CDH4: variants seen among roughly 807,000 people sequenced by gnomAD.
CDH4 encodes the protein cadherin-4.
In CDH4, 33 loss-of-function variants were observed where a neutral mutation model predicts 86.0. The ratio of observed to expected loss-of-function variants is 0.38; its 90% CI spans 0.29 to 0.51. The LOEUF is 0.51. CDH4 is among the 20% of genes least tolerant of loss of function. The pLI, the probability that CDH4 is intolerant of heterozygous loss-of-function variation, is 0.86. For missense variants in CDH4, 1,114 were observed against 1,307.4 expected, an observed-to-expected ratio of 0.85 and a Z score of 2.28; for synonymous variants, 555 against 549.4, an observed-to-expected ratio of 1.01 and a Z score of -0.14.
At chr20:61,622,442 T>A (rs1386553383) in intron 2 of CDH4, among the ~76,000 whole-genome samples, 5 of 152,210 alleles carry the variant, frequency 3.3e-5, no homozygotes, top group African/African-American at 1.2e-4. Context: ...TGGCTGGTGT[T>A]TGAGAAGCTG....
Position 61,516,966 on chromosome 20 carries a change from G to A in CDH4, c.170-226597G>A, listed in dbSNP as rs1222109505. On this transcript the variant is annotated intron_variant, in intron 2 of 15. Coordinates refer to ENST00000614565, the MANE Select transcript of CDH4 (RefSeq NM_001794.5). This position sits in a 1 kb window ranked among gnomAD's most constrained non-coding sequence, Gnocchi z 4.0. Reference sequence around the variant, plus strand: ...TGGGGTGTTTTCAATGTATTGGGATGTCATGCACGCCCTGAAAAATGCAGG... The same window carrying A: ...TGGGGTGTTTTCAATGTATTGGGATATCATGCACGCCCTGAAAAATGCAGG... 6.6e-6 allele frequency among the ~76,000 whole-genome samples: 1 copy of A among 152,168 alleles called. No homozygotes were observed. The highest frequency in any genetic ancestry group is 2.4e-5 in the African/African-American group (1 of 41,444).
intron 2 of CDH4, among the ~76,000 whole-genome samples, chr20:61,363,237 T>C (rs1185939465): frequency 1.3e-5 from 2 of 152,198 alleles, no homozygotes; most frequent in African/African-American, 2.4e-5. Flanking sequence ...TTCTTTAACT[T>C]ATTCATTCAT....
intron 6 of CDH4, among the ~76,000 whole-genome samples, chr20:61,872,376 G>A (rs1043718485): frequency 6.6e-6 from 1 of 152,240 alleles, no homozygotes; most frequent in African/African-American, 2.4e-5. Flanking sequence ...TTGGCCAGGT[G>A]GAGGAGAGGG....
chr20:61,282,945 G>GTGTGTGATGTACGT lies in CDH4; in HGVS notation c.169+28008_169+28009insTGTGTGATGTACGT, dbSNP rs1175576762. 1.0e-3 allele frequency among the ~76,000 whole-genome samples: 9 copies of GTGTGTGATGTACGT among 8,648 alleles called. 3 individuals are homozygous for GTGTGTGATGTACGT. Among genetic ancestry groups the GTGTGTGATGTACGT allele is most frequent in the Admixed American group, 4.6e-3 (3 of 646 alleles). The allele number at this position is 8,648 out of a possible 152,430, so 5.7% of individuals were successfully genotyped here. A position where few individuals can be genotyped will look rare whatever the true frequency, so the allele number is the denominator to read the frequency against. On this transcript the variant is annotated intron_variant, in intron 2 of 15. Coordinates refer to ENST00000614565, the MANE Select transcript of CDH4 (RefSeq NM_001794.5). ...ACGTGCATTTGCACGCGTGTGCTGT[G>GTGTGTGATGTACGT]GCGTGTGATGTACGTGCGTTTGCAC...
intron 7 of CDH4, among the ~76,000 whole-genome samples, chr20:61,892,790 A>G (rs1051728033): frequency 3.3e-5 from 5 of 152,086 alleles, no homozygotes; most frequent in African/African-American, 9.7e-5. Flanking sequence ...AAACCCTTCC[A>G]TCCTTGGCTG....
chr20:61,642,149 G>C (rs926055025), intron 2 of CDH4, among the ~76,000 whole-genome samples: 1 of 152,216 alleles, frequency 6.6e-6, no homozygotes, highest in Non-Finnish European at 1.5e-5. Context: ...AAATCAGAAA[G>C]AAAAAATGAG....
Position 61,754,997 on chromosome 20 carries a change from C to T in CDH4, c.396+11208C>T. ...AGAGGTTTAGTTGGACTTACAGTTC[C>T]ACATGGCTGTGAGGCCTCAGAATTA... On this transcript the variant is annotated intron_variant, in intron 3 of 15. Coordinates refer to ENST00000614565, the MANE Select transcript of CDH4 (RefSeq NM_001794.5). The surrounding 1 kb of genome is among the most constrained non-coding windows in gnomAD (Gnocchi z 4.7). 6.6e-6 allele frequency: 1 copy of T among 152,350 alleles called. No individual in the cohort carries two copies. Among genetic ancestry groups the T allele is most frequent in the East Asian group, 1.9e-4 (1 of 5,204 alleles). The allele number at this position is 152,350 out of a possible 1,614,324, so 9.4% of individuals were successfully genotyped here.
chr20:61,332,065 G>A (rs2084584442), intron 2 of CDH4, among the ~76,000 whole-genome samples: 1 of 152,220 alleles, frequency 6.6e-6, no homozygotes, highest in Non-Finnish European at 1.5e-5. Context: ...TGAGTGGACA[G>A]AGGCTGGCTC....
At chr20:61,356,881 A>C (rs2084753363) in intron 2 of CDH4, among the ~76,000 whole-genome samples, 1 of 152,248 alleles carries the variant, frequency 6.6e-6, no homozygotes, top group African/African-American at 2.4e-5. Flanking sequence ...ATGTGAAATA[A>C]AGTTCAAAGA....
intron 2 of CDH4, among the ~76,000 whole-genome samples, chr20:61,729,393 T>G (rs2088151873): frequency 6.6e-6 from 1 of 152,212 alleles, no homozygotes; most frequent in South Asian, 2.1e-4. Context: ...AATGTGGCCC[T>G]TCCCTGCGGC....
chr20:61,882,313 G>C (rs77027449), intron 7 of CDH4, among the ~76,000 whole-genome samples: 2 of 152,370 alleles, frequency 1.3e-5, no homozygotes, highest in Non-Finnish European at 2.9e-5. Flanking sequence ...AGGAAGGAGC[G>C]GGGATTTCAT....
intron 4 of CDH4, among the ~76,000 whole-genome samples, chr20:61,834,229 T>C (rs1047832879): frequency 5.3e-5 from 8 of 152,200 alleles, no homozygotes; most frequent in African/African-American, 1.9e-4. Context: ...CATGGCTTCC[T>C]TGCTGCCCCT....
Position 61,873,760 on chromosome 20 carries a change from G to C in CDH4, c.910G>C (p.Ala304Pro), listed in dbSNP as rs1284653314. 1 of 1,613,740 alleles carries C rather than the reference G, an allele frequency of 6.2e-7. No homozygotes were observed. The highest frequency in any genetic ancestry group is 8.5e-7 in the Non-Finnish European group (1 of 1,180,044). The part of the protein sequence containing the change: ...TYVMTVTAND[A>P]DDSTTANGMV... Reference sequence around the variant, plus strand: ...CGTGATGACCGTCACGGCCAACGATGCTGACGACAGCACCACGGCCAACGG... The same window carrying C: ...CGTGATGACCGTCACGGCCAACGATCCTGACGACAGCACCACGGCCAACGG... The change falls in exon 7 of 16, where the codon GCT becomes CCT. Residue 304 changes from alanine to proline, a missense_variant. Ala to Pro is a conservative substitution (Grantham distance 27, BLOSUM62 -1). This residue lies in a region of CDH4 where 705 missense variants were observed against 914.1 expected (regional missense o/e 0.77). Coordinates refer to ENST00000614565, the MANE Select transcript of CDH4 (RefSeq NM_001794.5).
chr20:61,793,811 C>A (rs1395842651), intron 4 of CDH4, among the ~76,000 whole-genome samples: 1 of 138,752 alleles, frequency 7.2e-6, no homozygotes, highest in African/African-American at 2.7e-5. Flanking sequence ...TGCACTCCAG[C>A]TTGGGCGACA....
intron 2 of CDH4, among the ~76,000 whole-genome samples, chr20:61,496,736 C>T (rs2085665678): frequency 6.7e-6 from 1 of 150,248 alleles, no homozygotes; most frequent in African/African-American, 2.5e-5. Context: ...CAGTCAGCCC[C>T]TCCTCTGGCC....
At position 61,674,433 on chromosome 20, in the gene CDH4, C is replaced by T. The variant is rs375693540; in HGVS notation, c.170-69130C>T. ...TGGGAGTGACAGGCAGCAGGCCTTTCGTGCAGACAATGGGAAGGACACATG... is the reference window on the plus strand; with the variant it reads ...TGGGAGTGACAGGCAGCAGGCCTTTTGTGCAGACAATGGGAAGGACACATG... On this transcript the variant is annotated intron_variant, in intron 2 of 15. Transcript: ENST00000614565. 5.9e-4 allele frequency among the ~76,000 whole-genome samples: 90 copies of T among 152,230 alleles called. No individual in the cohort carries two copies. In the South Asian group the frequency reaches 0.018, roughly 30 times the overall value.
At chr20:61,507,964 C>T (rs1412599900) in intron 2 of CDH4, among the ~76,000 whole-genome samples, 1 of 152,184 alleles carries the variant, frequency 6.6e-6, no homozygotes, top group Non-Finnish European at 1.5e-5. Context: ...ATTTAAAACG[C>T]CCATGACCCC....
chr20:61,371,140 A>G (rs944289853), intron 2 of CDH4, among the ~76,000 whole-genome samples: 1 of 152,222 alleles, frequency 6.6e-6, no homozygotes, highest in African/African-American at 2.4e-5. Flanking sequence ...ATCTGATTGC[A>G]GCCGGGAGCT....
Position 61,924,490 on chromosome 20 carries a change from C to G in CDH4, c.1771+14C>G. The G allele has an allele frequency of 1.2e-6, 2 of 1,609,080 alleles. No homozygotes were observed. Among genetic ancestry groups the G allele is most frequent in the Non-Finnish European group, 1.7e-6 (2 of 1,177,520 alleles). ...CAGCTGACAATGGTGCGGCCCACCC[C>G]AGGGAGGCAGCCGTCTCGGTGGCCT... On this transcript the variant is annotated intron_variant, in intron 11 of 15. Coordinates refer to ENST00000614565, the MANE Select transcript of CDH4 (RefSeq NM_001794.5).
Sources: gnomAD v4.1 joint callset for allele counts (sites outside exome capture counted in the v4.1 genomes callset) on GRCh38, gnomAD v4.1.1 for gene constraint, gnomAD v4.1.1 regional missense constraint, Gnocchi (gnomAD v3.1) non-coding constraint, MANE v1.5 for transcripts, NCBI Gene and HGNC (gene_info 2026-07-23, HGNC 2026-07-21) for gene names.